Variants in SUSD4 observed in about 807,000 individuals in gnomAD.
SUSD4 encodes the protein sushi domain-containing protein 4.
SUSD4 carries 41 observed loss-of-function variants against 50.5 expected under a neutral mutation model. That is an observed-to-expected ratio of 0.81 (90% CI 0.63 to 1.05). The LOEUF (loss-of-function observed/expected upper bound fraction) is 1.05. Among genes scored for constraint, SUSD4 ranks in the 50% least tolerant of loss-of-function variants. The pLI is 0.00. For missense variants in SUSD4, 580 were observed against 634.7 expected (o/e 0.91, Z 0.93); for synonymous variants, 257 against 257.3 (o/e 1.00, Z 0.01).
intron 2 of SUSD4, among the ~76,000 whole-genome samples, chr1:223,336,004 T>C (rs750545494): frequency 2.6e-5 from 4 of 151,906 alleles, no homozygotes; most frequent in African/African-American, 7.3e-5. Flanking sequence ...GAACAAAAAG[T>C]TGTTTAAAAA....
At chr1:223,265,701 T>A (rs1233016568) in intron 4 of SUSD4, among the ~76,000 whole-genome samples, 1 of 152,234 alleles carries the variant, frequency 6.6e-6, no homozygotes, top group Non-Finnish European at 1.5e-5. Context: ...CTGAAGCCTG[T>A]GCAGCCAGTA....
chr1:223,274,946 C>A (rs1194729627), intron 3 of SUSD4, among the ~76,000 whole-genome samples: 2 of 152,116 alleles, frequency 1.3e-5, no homozygotes, highest in Non-Finnish European at 2.9e-5. Context: ...TGAGTAGTAC[C>A]TTTCTAAACA....
At chr1:223,334,227 T>G (rs1457620400) in intron 2 of SUSD4, among the ~76,000 whole-genome samples, 1 of 151,988 alleles carries the variant, frequency 6.6e-6, no homozygotes, top group Non-Finnish European at 1.5e-5. Flanking sequence ...GAGGAAGAGT[T>G]CCTTATCATT....
Position 223,332,909 on chromosome 1 carries a change from A to C in SUSD4, c.148+30369T>G, listed in dbSNP as rs1035365241. ...CCCATCTTCTACCATGTTCTTTCTG[A>C]CGGAAGAAATGGCCACCTGCTCCTG... On this transcript the variant is annotated intron_variant, in intron 2 of 8. Transcript: ENST00000366878. This position sits in a 1 kb window ranked among gnomAD's most constrained non-coding sequence, Gnocchi z 4.0. 5.9e-5 allele frequency among the ~76,000 whole-genome samples: 9 copies of C among 152,122 alleles called. No homozygotes were observed. The highest frequency in any genetic ancestry group is 2.2e-4 in the African/African-American group (9 of 41,504).
intron 5 of SUSD4, among the ~76,000 whole-genome samples, chr1:223,246,267 GA>G (rs1558178258): frequency 6.6e-6 from 1 of 152,094 alleles, no homozygotes. Flanking sequence ...GAGAAGGATG[GA>G]AAAAGAAGAG....
intron 2 of SUSD4, among the ~76,000 whole-genome samples, chr1:223,322,136 G>A (rs1221827470): frequency 1.9e-5 from 2 of 105,354 alleles, no homozygotes; most frequent in Non-Finnish European, 4.2e-5. Context: ...AACACTAATT[G>A]ATGATATGAG....
At chr1:223,286,160 G>A (rs1348774825) in intron 3 of SUSD4, among the ~76,000 whole-genome samples, 1 of 152,102 alleles carries the variant, frequency 6.6e-6, no homozygotes, top group East Asian at 1.9e-4. Context: ...CTGTCGCCCA[G>A]GCTGGAGTGC....
intron 2 of SUSD4, among the ~76,000 whole-genome samples, chr1:223,300,352 A>C (rs890519652): frequency 6.6e-6 from 1 of 152,200 alleles, no homozygotes; most frequent in Admixed American, 6.5e-5. Context: ...ACAGGGATTG[A>C]GAGTGCCCCT....
At chr1:223,263,310 G>A (rs946243598) in intron 5 of SUSD4, among the ~76,000 whole-genome samples, 6 of 152,138 alleles carry the variant, frequency 3.9e-5, no homozygotes, top group African/African-American at 1.4e-4. Context: ...AGGGCGACCA[G>A]ATTTAGGAAA....
At chr1:223,277,237 G>A (rs959539380) in intron 3 of SUSD4, among the ~76,000 whole-genome samples, 4 of 152,052 alleles carry the variant, frequency 2.6e-5, no homozygotes, top group Admixed American at 6.5e-5. Flanking sequence ...TAGCAATCCC[G>A]GTCAGGTCTA....
chr1:223,309,578 CCAAGA>C (rs2103208285), intron 2 of SUSD4, among the ~76,000 whole-genome samples: 1 of 152,174 alleles, frequency 6.6e-6, no homozygotes, highest in South Asian at 2.1e-4. Flanking sequence ...ATAGCAGTGC[CCAAGA>C]TGCTGGCTAG....
chr1:223,225,382 T>C (rs1659448861), intron 7 of SUSD4, among the ~76,000 whole-genome samples: 1 of 152,100 alleles, frequency 6.6e-6, no homozygotes, highest in Admixed American at 6.5e-5. Flanking sequence ...CACTGACTTT[T>C]TGAAACATCT....
chr1:223,302,459 C>T (rs747348683), intron 2 of SUSD4, among the ~76,000 whole-genome samples: 7 of 152,130 alleles, frequency 4.6e-5, no homozygotes, highest in Admixed American at 3.3e-4. Context: ...CAGGCTGGTC[C>T]GTGCCCTTGC....
chr1:223,288,337 T>C (rs1015780809), intron 3 of SUSD4, among the ~76,000 whole-genome samples: 1 of 152,162 alleles, frequency 6.6e-6, no homozygotes, highest in Non-Finnish European at 1.5e-5. Context: ...TGAGTGTAAG[T>C]TTCCTGAGGC....
At chr1:223,365,102 G>A (rs117941810), upstream of SUSD4, among the ~76,000 whole-genome samples, 4 of 152,100 alleles carry the variant, frequency 2.6e-5, no homozygotes, top group Non-Finnish European at 5.9e-5. Context: ...TGGGTACCTG[G>A]AGGAGGGGAG....
intron 5 of SUSD4, among the ~76,000 whole-genome samples, chr1:223,261,311 CCT>C (rs1251725252): frequency 1.3e-5 from 2 of 152,128 alleles, no homozygotes; most frequent in Admixed American, 6.6e-5. Context: ...TTGCTTTCCC[CCT>C]GTTAGATTGT....
chr1:223,344,143 A>C (rs1210466300), intron 2 of SUSD4, among the ~76,000 whole-genome samples: 1 of 152,226 alleles, frequency 6.6e-6, no homozygotes, highest in East Asian at 1.9e-4. Context: ...TCTTCTCAAT[A>C]AATATATACA....
chr1:223,363,288 C>A lies in SUSD4; in HGVS notation c.138G>T (p.Gln46His). The change falls in exon 2 of 9, where the codon CAG becomes CAT. Residue 46 changes from glutamine (Q) to histidine (H), a missense_variant. Gln to His is a conservative substitution (Grantham distance 24, BLOSUM62 0). Coordinates refer to ENST00000366878, the MANE Select transcript of SUSD4 (RefSeq NM_017982.4). ...AGCTGGGTCACTCACCGCCCGTGAG[C>A]TGTGCAGGGCCGAAGCACAGCGCCA... ...FQLALCFGPA[Q>H]LTGGFDDLQV... 1.2e-6 allele frequency: 2 copies of A among 1,600,028 alleles called. No homozygotes were observed. The highest frequency in any genetic ancestry group is 1.7e-5 in the Admixed American group (1 of 58,930).
chr1:223,363,685 G>T, intron 1 of SUSD4: 1 of 477,628 alleles, frequency 2.1e-6, no homozygotes, highest in Non-Finnish European at 3.7e-6. Context: ...GCTGGGGGAT[G>T]GAGGACAGGA....
Sources: allele counts gnomAD v4.1 joint callset (sites outside exome capture counted in the v4.1 genomes callset), GRCh38; gene constraint gnomAD v4.1.1; non-coding constraint Gnocchi (gnomAD v3.1); transcripts MANE v1.5; gene names NCBI Gene and HGNC (gene_info 2026-07-23, HGNC 2026-07-21).